Variants in CYFIP2 observed in about 807,000 individuals in gnomAD.
CYFIP2 encodes cytoplasmic FMR1 interacting protein 2.
CYFIP2 carries 29 observed loss-of-function variants against 158.7 expected under a neutral mutation model. The ratio of observed to expected loss-of-function variants is 0.18; its 90% confidence interval spans 0.14 to 0.25. The LOEUF (loss-of-function observed/expected upper bound fraction) is 0.25, where lower values mean the gene tolerates loss of function less well. CYFIP2 is among the 10% of genes least tolerant of loss of function. The probability of loss-of-function intolerance (pLI) is 1.00; values close to 1 mark genes in which losing one functional copy is unlikely to be tolerated. For missense variants in CYFIP2, 852 were observed against 1,639.5 expected, an observed-to-expected ratio of 0.52 and a Z score of 8.29; for synonymous variants, 585 against 617.6, an observed-to-expected ratio of 0.95 and a Z score of 0.78.
At chr5:157,326,137 T>C in intron 17 of CYFIP2, 34 bp from the exon 18 acceptor site, 1 of 1,513,960 alleles carries the variant, frequency 6.6e-7, no homozygotes, top group South Asian at 1.1e-5. Context: ...GGGGGGTTAT[T>C]AGCAAGCGGC....
intron 3 of CYFIP2, among the ~76,000 whole-genome samples, chr5:157,291,255 T>A (rs1757796463): frequency 6.6e-6 from 1 of 152,172 alleles, no homozygotes. Flanking sequence ...TCAGGCCAAC[T>A]CTTTACCTCC....
intron 13 of CYFIP2, among the ~76,000 whole-genome samples, chr5:157,318,625 G>A (rs898965695): frequency 2.6e-5 from 4 of 152,106 alleles, no homozygotes; most frequent in African/African-American, 9.7e-5. Context: ...ACAGCCTTAG[G>A]GTCTGAGCTC....
chr5:157,304,326 A>G lies in CYFIP2; in HGVS notation c.755A>G (p.Lys252Arg). Residue 252 changes from lysine to arginine, a missense_variant, in exon 8 of 31, where the codon AAG (lysine) becomes AGG (arginine). This residue lies in a region of CYFIP2 where 133 missense variants were observed against 197.1 expected (regional missense o/e 0.67). Transcript: ENST00000620254. ...ATCTGTGTGGATTACTACGAGAACA[A>G]GATGTACCTGACTCCCAGTGAGAAA... ...VNICVDYYEN[K>R]MYLTPSEKHM... is the part of the protein sequence containing the mutation. 6.2e-7 allele frequency: 1 copy of G among 1,614,020 alleles called. No homozygotes were observed. The highest frequency in any genetic ancestry group is 1.3e-5 in the African/African-American group (1 of 75,042).
chr5:157,364,597 C>T (rs1364990263), intron 26 of CYFIP2: 1 of 152,236 alleles, frequency 6.6e-6, no homozygotes, highest in East Asian at 1.9e-4. Context: ...TGATCCCAGT[C>T]CTTGGGGGCT....
chr5:157,336,910 A>G (rs111956209), intron 21 of CYFIP2, among the ~76,000 whole-genome samples: 2,979 of 152,314 alleles, frequency 0.02, 104 homozygotes, highest in African/African-American at 0.069. Context: ...TCTGGGTTAC[A>G]TACTGTGCAG....
At chr5:157,344,258 A>G (rs915089329) in intron 23 of CYFIP2, among the ~76,000 whole-genome samples, 4 of 152,214 alleles carry the variant, frequency 2.6e-5, no homozygotes, top group African/African-American at 2.4e-5. Flanking sequence ...AATGTTAATC[A>G]TGGTAATAAC....
At chr5:157,333,603 A>G (rs1176264974) in intron 21 of CYFIP2, among the ~76,000 whole-genome samples, 157 bp downstream of exon 21, 1 of 152,178 alleles carries the variant, frequency 6.6e-6, no homozygotes, top group African/African-American at 2.4e-5. Context: ...CTTACACAGA[A>G]TAAGAGTAAT....
intron 26 of CYFIP2, among the ~76,000 whole-genome samples, chr5:157,378,209 A>C (rs192090948): frequency 1.3e-5 from 2 of 152,240 alleles, no homozygotes; most frequent in Non-Finnish European, 2.9e-5. Flanking sequence ...AAATTAGTCC[A>C]TCTGCAAAGA....
rs946643020 is a variant in CYFIP2 at position 157,266,155 on chromosome 5, G to A, written c.-64G>A. Reference sequence around the variant, plus strand: ...CCTGCGCCCCGGCGCGGGGCCCTGCGGTAGCCTCAGGCCCCTCCCCTGGAC... The same window carrying A: ...CCTGCGCCCCGGCGCGGGGCCCTGCAGTAGCCTCAGGCCCCTCCCCTGGAC... On this transcript the variant is annotated 5_prime_UTR_variant, in exon 1 of 31. Coordinates refer to ENST00000620254, the MANE Select transcript of CYFIP2 (RefSeq NM_001037333.3). The surrounding 1 kb of genome is among the most constrained non-coding windows in gnomAD (Gnocchi z 4.2). The A allele has an allele frequency of 6.6e-6, 1 of 150,798 alleles. No homozygotes were observed. The highest frequency in any genetic ancestry group is 2.1e-4 in the South Asian group (1 of 4,854). The allele number at this position is 150,798 out of a possible 1,614,324, so 9.3% of individuals were successfully genotyped here. A position where few individuals can be genotyped will look rare whatever the true frequency, so the allele number is the denominator to read the frequency against.
rs1767447649 is a variant in CYFIP2 at position 157,392,854 on chromosome 5, C to T, written c.3616C>T (p.Arg1206Trp). ...GTAGCCCCTGAAGAAGATGGCCGAC[C>T]GGATCAGGAAGTATCAGATCTTGAA... is the stretch of plus-strand genomic sequence containing the variant. ...KNVPLKKMAD[R>W]IRKYQILNNE... Residue 1206 changes from arginine (R) to tryptophan (W), a missense_variant, in exon 31 of 31, where the codon CGG becomes TGG. Physicochemically the swap from Arg to Trp is moderately radical, Grantham distance 101. Around this residue, in one of 8 missense-constraint regions of CYFIP2, gnomAD observed 223 missense variants for 381.6 expected, o/e 0.58. Transcript: ENST00000620254. 1 of 1,613,682 alleles carries T rather than the reference C, an allele frequency of 6.2e-7. No individual in the cohort carries two copies. The highest frequency in any genetic ancestry group is 1.7e-5 in the Admixed American group (1 of 59,986).
At chr5:157,359,380 C>A (rs1484041642) in intron 24 of CYFIP2, among the ~76,000 whole-genome samples, 1 of 152,086 alleles carries the variant, frequency 6.6e-6, no homozygotes, top group Middle Eastern at 3.2e-3. Context: ...ATTTTCTGAC[C>A]CCCAGACTCC....
chr5:157,305,220 C>T (rs1759115722), intron 8 of CYFIP2, among the ~76,000 whole-genome samples: 1 of 152,152 alleles, frequency 6.6e-6, no homozygotes, highest in Non-Finnish European at 1.5e-5. Context: ...AACATGTGTG[C>T]AAGTGTCTTT....
At chr5:157,375,232 A>G (rs1217468071) in intron 26 of CYFIP2, among the ~76,000 whole-genome samples, 1 of 152,184 alleles carries the variant, frequency 6.6e-6, no homozygotes, top group Admixed American at 6.5e-5. Context: ...CAGCAAGGCA[A>G]TCCTGAGAGG....
rs1490933681 is a variant in CYFIP2 at position 157,306,804 on chromosome 5, C to T, written c.796-957C>T. ...GGCTGAGGTGAGAGAATCGCTTGAG[C>T]CCAGGAGGTTGAGGCTGCAGTGAGC... On this transcript the variant is annotated intron_variant, in intron 8 of 30. Transcript: ENST00000620254. 2.6e-5 allele frequency among the ~76,000 whole-genome samples: 4 copies of T among 151,782 alleles called. No individual in the cohort carries two copies. In the East Asian group the frequency reaches 7.7e-4, roughly 29 times the overall value.
chr5:157,282,735 C>A (rs1410402012), intron 1 of CYFIP2, among the ~76,000 whole-genome samples: 2 of 152,154 alleles, frequency 1.3e-5, no homozygotes, highest in African/African-American at 4.8e-5. Flanking sequence ...TTTGGTAGAT[C>A]CTGTTTCTCC....
At chr5:157,286,506 C>T (rs892625845) in intron 2 of CYFIP2, among the ~76,000 whole-genome samples, 6 of 147,334 alleles carry the variant, frequency 4.1e-5, no homozygotes, top group Non-Finnish European at 8.9e-5. Context: ...TTAGGCTTAG[C>T]CACCTCATGG....
intron 1 of CYFIP2, among the ~76,000 whole-genome samples, chr5:157,272,352 C>T (rs1266914304): frequency 6.6e-6 from 1 of 152,166 alleles, no homozygotes; most frequent in Non-Finnish European, 1.5e-5. Context: ...TGCTGGGTAC[C>T]GGCCAGGTGT....
chr5:157,291,197 A>G (rs1055203592), intron 3 of CYFIP2, among the ~76,000 whole-genome samples: 2 of 152,214 alleles, frequency 1.3e-5, no homozygotes, highest in Non-Finnish European at 2.9e-5. Context: ...TTAGGCATCA[A>G]ATTCCCCAGG....
intron 23 of CYFIP2, among the ~76,000 whole-genome samples, chr5:157,347,000 AG>A (rs1258181321): frequency 6.6e-6 from 1 of 152,188 alleles, no homozygotes; most frequent in African/African-American, 2.4e-5. Flanking sequence ...TTGAGATCAC[AG>A]GGTGTGTCTG....
Sources: allele counts gnomAD v4.1 joint callset (sites outside exome capture counted in the v4.1 genomes callset), GRCh38; gene constraint gnomAD v4.1.1; regional missense constraint gnomAD v4.1.1; non-coding constraint Gnocchi (gnomAD v3.1); transcripts MANE v1.5; gene names NCBI Gene and HGNC (gene_info 2026-07-23, HGNC 2026-07-21).